Variants in MTHFD2L observed in about 807,000 individuals in gnomAD.
MTHFD2L encodes methylenetetrahydrofolate dehydrogenase (NADP+ dependent) 2 like, also known as bifunctional methylenetetrahydrofolate dehydrogenase/cyclohydrolase 2, mitochondrial.
MTHFD2L carries 29 observed loss-of-function variants against 34.9 expected under a neutral mutation model. The ratio of observed to expected loss-of-function variants is 0.83; its 90% CI spans 0.62 to 1.13. The LOEUF (loss-of-function observed/expected upper bound fraction) is 1.13. MTHFD2L is among the 50% of genes most tolerant of loss of function. MTHFD2L has a pLI of 0.00. For missense variants in MTHFD2L, 481 were observed against 446.5 expected, an observed-to-expected ratio of 1.08 and a Z score of -0.70; for synonymous variants, 167 against 155.7, an observed-to-expected ratio of 1.07 and a Z score of -0.54.
chr4:74,158,639 T>C (rs1724713176), intron 1 of MTHFD2L, among the ~76,000 whole-genome samples: 1 of 152,240 alleles, frequency 6.6e-6, no homozygotes, highest in African/African-American at 2.4e-5. Context: ...TAGTGTTTCG[T>C]AAATAAAGGA....
intron 7 of MTHFD2L, among the ~76,000 whole-genome samples, chr4:74,283,734 GC>G (rs1747788251): frequency 6.6e-6 from 1 of 152,096 alleles, no homozygotes; most frequent in Non-Finnish European, 1.5e-5. Flanking sequence ...GTTGTATCTA[GC>G]TTGCCAGCCT....
At chr4:74,168,694 G>C (rs1001286199) in intron 1 of MTHFD2L, among the ~76,000 whole-genome samples, 3 of 152,268 alleles carry the variant, frequency 2.0e-5, no homozygotes, top group Middle Eastern at 6.8e-3. Flanking sequence ...ATGAGCATGT[G>C]GTGGGGAGTT....
chr4:74,189,485 C>CCTTTTT lies in MTHFD2L; in HGVS notation c.452-10309_452-10308insCTTTTT, dbSNP rs1168720652. The stretch of plus-strand genomic sequence containing the variant: ...CATTGAGCAAGCAGTGTTTTTCTTC[C>CCTTTTT]TTTTTTTTTTTTTTTTTTTTTTTTT... On this transcript the variant is annotated intron_variant, in intron 3 of 7. Transcript: ENST00000325278. Among the ~76,000 whole-genome samples the CCTTTTT allele has an allele frequency of 5.3e-3, 632 of 119,716 alleles. 28 individuals are homozygous for CCTTTTT. The highest frequency in any genetic ancestry group is 0.024 in the African/African-American group (586 of 24,642). 78.5% of individuals were successfully genotyped at this position (119,716 alleles called of 152,430 possible).
chr4:74,220,629 T>C (rs1249238167), intron 5 of MTHFD2L, among the ~76,000 whole-genome samples: 1 of 151,896 alleles, frequency 6.6e-6, no homozygotes, highest in Non-Finnish European at 1.5e-5. Flanking sequence ...GATTTTCTTT[T>C]ACTACATAGA....
chr4:74,175,134 G>C, intron 2 of MTHFD2L, 147 bp from the exon 3 acceptor site: 1 of 844,858 alleles, frequency 1.2e-6, no homozygotes, highest in Non-Finnish European at 1.8e-6. Context: ...GGAAACACCT[G>C]TACTATTGGA....
chr4:74,247,884 G>A (rs1370822975), intron 6 of MTHFD2L, among the ~76,000 whole-genome samples: 2 of 152,228 alleles, frequency 1.3e-5, no homozygotes, highest in African/African-American at 4.8e-5. Context: ...CGGTTTGCCA[G>A]TATTTTATTG....
chr4:74,195,571 T>G (rs1446276934), intron 3 of MTHFD2L: 2 of 152,208 alleles, frequency 1.3e-5, no homozygotes, highest in Admixed American at 6.5e-5. Flanking sequence ...CAGGTTTTCT[T>G]GGCAAGTAGC....
chr4:74,276,695 A>G (rs1746694322), intron 6 of MTHFD2L, among the ~76,000 whole-genome samples: 1 of 152,156 alleles, frequency 6.6e-6, no homozygotes, highest in Non-Finnish European at 1.5e-5. Flanking sequence ...TCCAATATCT[A>G]TAAAAATACA....
At chr4:74,115,894 A>G (rs1264141172) in intron 2 of MTHFD2L, among the ~76,000 whole-genome samples, 1 of 152,210 alleles carries the variant, frequency 6.6e-6, no homozygotes, top group African/African-American at 2.4e-5. Flanking sequence ...AGAAATTCTG[A>G]TATTCTATGA....
chr4:74,120,450 T>A (rs1344054185), upstream of MTHFD2L, among the ~76,000 whole-genome samples: 1 of 152,232 alleles, frequency 6.6e-6, no homozygotes, highest in Non-Finnish European at 1.5e-5. Flanking sequence ...AGTCTTTGAA[T>A]GATTGCATAT....
At chr4:74,190,804 A>C (rs761682696) in intron 3 of MTHFD2L, among the ~76,000 whole-genome samples, 1 of 152,234 alleles carries the variant, frequency 6.6e-6, no homozygotes, top group Non-Finnish European at 1.5e-5. Flanking sequence ...AATCATTGAG[A>C]GACTATAGGT....
At chr4:74,157,951 A>C (rs1206867717), upstream of MTHFD2L, 12 of 911,280 alleles carry the variant, frequency 1.3e-5, no homozygotes, top group Middle Eastern at 2.1e-4. Flanking sequence ...CGGACCCGGC[A>C]CTCTGTCAGT....
At chr4:74,186,803 A>AGAAACTGAATAAAATTCATATG (rs1305159013) in intron 3 of MTHFD2L, among the ~76,000 whole-genome samples, 3 of 152,172 alleles carry the variant, frequency 2.0e-5, no homozygotes, top group Non-Finnish European at 4.4e-5. Flanking sequence ...AAAACTTGGG[A>AGAAACTGAATAAAATTCATATG]GAAACTGAAT....
At chr4:74,133,704 A>T (rs1405461904) in intron 1 of MTHFD2L, among the ~76,000 whole-genome samples, 7 of 152,102 alleles carry the variant, frequency 4.6e-5, no homozygotes, top group Admixed American at 3.3e-4. Context: ...TTCTCTGATA[A>T]GTATCTGAAT....
intron 1 of MTHFD2L, among the ~76,000 whole-genome samples, chr4:74,148,571 A>G (rs1723749390): frequency 1.3e-5 from 2 of 151,804 alleles, no homozygotes; most frequent in South Asian, 4.2e-4. Context: ...TATTTTTTGT[A>G]GAGATAGGGT....
chr4:74,122,677 A>G (rs1721822714), upstream of MTHFD2L, among the ~76,000 whole-genome samples: 1 of 152,206 alleles, frequency 6.6e-6, no homozygotes, highest in South Asian at 2.1e-4. Flanking sequence ...CAGAATAAAC[A>G]AGACTAAAGC....
chr4:74,267,705 G>A (rs1344220334), intron 6 of MTHFD2L: 1 of 985,236 alleles, frequency 1.0e-6, no homozygotes, highest in Admixed American at 6.2e-5. Flanking sequence ...AAAGTTCTGG[G>A]ATTACAGGTG....
At chr4:74,256,468 C>T (rs1451661219) in intron 6 of MTHFD2L, among the ~76,000 whole-genome samples, 1 of 152,070 alleles carries the variant, frequency 6.6e-6, no homozygotes, top group African/African-American at 2.4e-5. Context: ...AATTCCTTCC[C>T]AAGGCTGATG....
intron 6 of MTHFD2L, among the ~76,000 whole-genome samples, chr4:74,254,331 G>T (rs187073340): frequency 1.3e-5 from 2 of 151,906 alleles, no homozygotes; most frequent in East Asian, 3.9e-4. Flanking sequence ...ATACCAAAAC[G>T]CATTAAAATA....
Sources: allele counts gnomAD v4.1 joint callset (sites outside exome capture counted in the v4.1 genomes callset), GRCh38; gene constraint gnomAD v4.1.1; transcripts MANE v1.5; gene names NCBI Gene and HGNC (gene_info 2026-07-23, HGNC 2026-07-21).